The following COL18A1 variants were observed in gnomAD, a reference collection of about 807,000 sequenced individuals.
COL18A1 encodes the protein collagen type XVIII alpha 1 chain, also known as collagen alpha-1(XVIII) chain.
Under a neutral mutation model 168.0 loss-of-function variants are expected in COL18A1, and 133 were observed. The observed-to-expected ratio is 0.79, with a 90% CI of 0.69 to 0.91. The LOEUF (loss-of-function observed/expected upper bound fraction) is 0.91, where lower values mean the gene tolerates loss of function less well. Among genes scored for constraint, COL18A1 ranks in the 40% least tolerant of loss-of-function variants. The pLI, the probability that COL18A1 is intolerant of heterozygous loss-of-function variation, is 0.00. For synonymous variants in COL18A1, 949 were observed against 809.0 expected, an observed-to-expected ratio of 1.17 and a Z score of -2.94; for missense variants, 2,126 against 1,925.4, an observed-to-expected ratio of 1.10 and a Z score of -1.95.
intron 15 of COL18A1, among the ~76,000 whole-genome samples, chr21:45,485,735 G>C (rs904781477): frequency 6.6e-6 from 1 of 152,188 alleles, no homozygotes; most frequent in Non-Finnish European, 1.5e-5. Context: ...GCGGGTGGAG[G>C]GCGGGGAAAG....
chr21:45,439,326 C>A (rs111386863), intron 2 of COL18A1, among the ~76,000 whole-genome samples: 2 of 152,218 alleles, frequency 1.3e-5, no homozygotes, highest in Non-Finnish European at 2.9e-5. Flanking sequence ...GTTTCGGCTC[C>A]TCTGGTGCGT....
chr21:45,505,702 G>A, intron 36 of COL18A1, 136 bp from the exon 37 acceptor site: 1 of 753,520 alleles, frequency 1.3e-6, no homozygotes, highest in Non-Finnish European at 2.2e-6. Context: ...GTGCTCATGG[G>A]GGCAGCCGCC....
rs150655877 is a variant in COL18A1, at chr21:45,506,408, G to T, written c.3216+442G>T. On this transcript the variant is annotated intron_variant, in intron 37 of 41. Transcript: ENST00000651438. ...CGCGTTATAAACACCAAGGTGGGAT[G>T]AAATGCATCCTCTCTGCTTAGCACG... The T allele has an allele frequency of 6.7e-4, 217 of 325,702 alleles. No homozygotes were observed. In the Middle Eastern group the frequency reaches 7.9e-3, roughly 12 times the overall value. The allele number at this position is 325,702 out of a possible 1,614,324, so 20.2% of individuals were successfully genotyped here.
chr21:45,478,353 G>T lies in COL18A1; in HGVS notation c.1248G>T (p.Pro416=). The part of the protein sequence containing the change: ...EPGDPGEDGK[P]GDTGPQGFPG... ...GCGACCCCGGTGAAGACGGAAAGCC[G>T]GTGAGTCTGCTTTTCTTTCTGACCC... The change falls in exon 9 of 42, where the codon CCG becomes CCT. Residue 416 remains proline (P), a splice_region_variant and synonymous_variant. Transcript: ENST00000651438. 2 of 1,614,180 alleles carry T rather than the reference G, an allele frequency of 1.2e-6. No individual in the cohort carries two copies. Among genetic ancestry groups the T allele is most frequent in the East Asian group, 2.2e-5 (1 of 44,880 alleles).
intron 2 of COL18A1, among the ~76,000 whole-genome samples, chr21:45,411,673 C>T (rs913521876): frequency 1.3e-5 from 2 of 150,928 alleles, no homozygotes; most frequent in Non-Finnish European, 2.9e-5. Context: ...GGGAACAGTG[C>T]ACCCTTATCG....
intron 5 of COL18A1, among the ~76,000 whole-genome samples, chr21:45,475,944 T>C (rs2035632879): frequency 6.6e-6 from 1 of 152,132 alleles, no homozygotes; most frequent in Non-Finnish European, 1.5e-5. Flanking sequence ...TTTCCCCAGC[T>C]CGGGCCACCT....
At chr21:45,509,950 A>G in intron 39 of COL18A1, 114 bp from the exon 40 acceptor site, 5 of 1,244,622 alleles carry the variant, frequency 4.0e-6, no homozygotes, top group Non-Finnish European at 5.5e-6. Context: ...CCTCCCGCTC[A>G]GCGCCCCTCG....
chr21:45,477,550 C>T, intron 7 of COL18A1, 63 bp downstream of exon 7: 4 of 1,484,494 alleles, frequency 2.7e-6, no homozygotes, highest in South Asian at 1.2e-5. Context: ...CCTTTTGGGC[C>T]ACTCACTGGT....
intron 2 of COL18A1, among the ~76,000 whole-genome samples, chr21:45,451,891 C>G (rs539706380): frequency 6.6e-6 from 1 of 152,370 alleles, no homozygotes; most frequent in African/African-American, 2.4e-5. Context: ...TGAGCTCCAT[C>G]ATGGGCCTCC....
intron 2 of COL18A1, among the ~76,000 whole-genome samples, chr21:45,458,935 G>A (rs2034945062): frequency 6.6e-6 from 1 of 152,228 alleles, no homozygotes; most frequent in African/African-American, 2.4e-5. Flanking sequence ...TCCGAGTGGG[G>A]CTGTGAGGGC....
intron 20 of COL18A1, among the ~76,000 whole-genome samples, 172 bp from the exon 21 acceptor site, chr21:45,490,664 C>T (rs529516324): frequency 5.9e-5 from 9 of 151,988 alleles, no homozygotes; most frequent in East Asian, 5.9e-4. Context: ...ACTCCCGGAG[C>T]GCCAGGAGTT....
intron 2 of COL18A1, among the ~76,000 whole-genome samples, chr21:45,464,203 C>T (rs1440006274): frequency 1.3e-5 from 2 of 152,178 alleles, no homozygotes; most frequent in African/African-American, 4.8e-5. Context: ...AGGTGGATCC[C>T]GTAGTCCCTC....
chr21:45,426,232 G>T (rs2033795057), intron 2 of COL18A1, among the ~76,000 whole-genome samples: 1 of 152,208 alleles, frequency 6.6e-6, no homozygotes, highest in Non-Finnish European at 1.5e-5. Flanking sequence ...AGCCTCTGGA[G>T]TAGCTGGAAT....
rs571597296 is a variant in COL18A1, at chr21:45,505,383, C to CCCCCCTGGGCCCCCTGGG, written c.3048_3065dup (p.Pro1017_Gly1022dup). 4.4e-6 allele frequency: 7 copies of CCCCCCTGGGCCCCCTGGG among 1,584,938 alleles called. No homozygotes were observed. Among genetic ancestry groups the CCCCCCTGGGCCCCCTGGG allele is most frequent in the South Asian group, 3.3e-5 (3 of 89,840 alleles). On this transcript the variant is annotated inframe_insertion, in exon 36 of 42. Transcript: ENST00000651438. ...CTATCAGCGTTCCCGGCCCTCCGGG[C>CCCCCCTGGGCCCCCTGGG]CCCCCTGGGCCCCCTGGGCCCCCTG...
intron 2 of COL18A1, among the ~76,000 whole-genome samples, chr21:45,444,902 A>G (rs757308572): frequency 7.2e-5 from 11 of 152,188 alleles, no homozygotes; most frequent in Non-Finnish European, 1.5e-4. Context: ...TGGAATTAAT[A>G]AGAAATCAAG....
intron 2 of COL18A1, among the ~76,000 whole-genome samples, chr21:45,452,033 G>C (rs2034633904): frequency 6.6e-6 from 1 of 152,256 alleles, no homozygotes; most frequent in Non-Finnish European, 1.5e-5. Flanking sequence ...AGGAGCCGCA[G>C]GGAAACTGCC....
intron 32 of COL18A1, among the ~76,000 whole-genome samples, chr21:45,499,390 GC>G (rs1671683393): frequency 6.6e-6 from 1 of 152,220 alleles, no homozygotes. Context: ...ACCAGCGTGG[GC>G]TGCCCCACAT....
intron 2 of COL18A1, chr21:45,455,385 C>T (rs1568878891): frequency 8.6e-7 from 1 of 1,160,314 alleles, no homozygotes; most frequent in Non-Finnish European, 1.2e-6. Flanking sequence ...TGCCTTCTTT[C>T]CTTCTGCAAG....
At chr21:45,509,301 G>A (rs2037430792) in intron 38 of COL18A1, 55 bp from the exon 39 acceptor site, 3 of 1,534,546 alleles carry the variant, frequency 2.0e-6, no homozygotes, top group South Asian at 1.2e-5. Context: ...CACAGATGGA[G>A]GAGGGGCACC....
Sources: allele counts gnomAD v4.1 joint callset (sites outside exome capture counted in the v4.1 genomes callset), GRCh38; gene constraint gnomAD v4.1.1; transcripts MANE v1.5; gene names NCBI Gene and HGNC (gene_info 2026-07-23, HGNC 2026-07-21).